The following KDM6A variants were observed in gnomAD, a reference collection of about 807,000 sequenced individuals.
The protein encoded by KDM6A is lysine-specific demethylase 6A.
Under a neutral mutation model 117.6 loss-of-function variants are expected in KDM6A, and 11 were observed. That is an observed-to-expected ratio of 0.09 (90% CI 0.06 to 0.15). KDM6A has a LOEUF of 0.15. Among genes scored for constraint, KDM6A ranks in the 10% least tolerant of loss-of-function variants. The pLI is 1.00. For missense variants in KDM6A, 799 were observed against 1,077.3 expected, an observed-to-expected ratio of 0.74 and a Z score of 3.62; for synonymous variants, 384 against 396.1, an observed-to-expected ratio of 0.97 and a Z score of 0.36.
At chrX:44,930,947 C>A (rs1240379321) in intron 2 of KDM6A, among the ~76,000 whole-genome samples, 1 of 111,144 alleles carries the variant, frequency 9.0e-6, no homozygotes, top group Non-Finnish European at 1.9e-5. Context: ...GAGGACCATC[C>A]CTCCCCTCCT....
chrX:45,012,180 A>G (rs899166705), intron 5 of KDM6A, among the ~76,000 whole-genome samples: 4 of 105,621 alleles, frequency 3.8e-5, no homozygotes, highest in Admixed American at 1.0e-4. Flanking sequence ...ATTTTATAAA[A>G]TGTCAACCCA....
At chrX:45,103,820 T>G (rs748552183) in intron 27 of KDM6A, among the ~76,000 whole-genome samples, 1 of 111,613 alleles carries the variant, frequency 9.0e-6, no homozygotes, top group Non-Finnish European at 1.9e-5. Context: ...TGTGTAGTCT[T>G]TCATCGAAAC....
chrX:44,996,598 C>T (rs1329918694), intron 4 of KDM6A, among the ~76,000 whole-genome samples: 1 of 110,451 alleles, frequency 9.1e-6, no homozygotes, highest in East Asian at 2.9e-4. Context: ...TTGCCAACCT[C>T]TTCTGCTAGA....
chrX:45,041,765 A>G (rs7883427), intron 8 of KDM6A, among the ~76,000 whole-genome samples: 8,973 of 103,148 alleles, frequency 0.087, 234 homozygotes, highest in East Asian at 0.28. Context: ...CTCACTTTCC[A>G]GACTGGGCAG....
chrX:44,875,810 G>A (rs1401318595), intron 2 of KDM6A, among the ~76,000 whole-genome samples: 1 of 111,559 alleles, frequency 9.0e-6, no homozygotes, highest in African/African-American at 3.3e-5. Flanking sequence ...GGAATCTGAT[G>A]TTTTATGTTG....
In KDM6A at chrX:44,984,232, T is replaced by C. The variant is rs189766882; in HGVS notation, c.384+9517T>C. 9.5e-3 allele frequency among the ~76,000 whole-genome samples: 1,062 copies of C among 111,266 alleles called. 5 individuals are homozygous for C. The highest frequency in any genetic ancestry group is 0.015 in the Non-Finnish European group (777 of 53,075). On this transcript the variant is annotated intron_variant, in intron 4 of 29. Coordinates refer to ENST00000611820, the MANE Select transcript of KDM6A (RefSeq NM_001291415.2). ...TTCTTTTGAGAAGGGTCTGTTCATA[T>C]CCTTCACCCACTTGTTGATGGGGTT... is the stretch of plus-strand genomic sequence containing the variant.
rs961752383 is a variant in KDM6A at position 45,053,748 on chromosome X, G to A, written c.749-81G>A. The A allele has an allele frequency of 4.1e-5, 34 of 821,319 alleles. No individual in the cohort carries two copies. The African/African-American group carries it at 6.7e-4, about 16-fold the overall frequency. 67.7% of individuals were successfully genotyped at this position (821,319 alleles called of 1,213,427 possible). On this transcript the variant is annotated intron_variant, in intron 9 of 29. Transcript: ENST00000611820. ...ATTGACAGAAAAGAGTACTTTTTTG[G>A]TTTGTTTTCTGCTTCGTATTCTTAA...
At chrX:44,990,028 G>C (rs2040484084) in intron 4 of KDM6A, among the ~76,000 whole-genome samples, 1 of 111,758 alleles carries the variant, frequency 8.9e-6, no homozygotes, top group Non-Finnish European at 1.9e-5. Context: ...CACTGTCTTA[G>C]AGCCTGTCAT....
At chrX:45,022,146 T>C (rs773819701) in intron 6 of KDM6A, among the ~76,000 whole-genome samples, 13 of 112,315 alleles carry the variant, frequency 1.2e-4, no homozygotes, top group Middle Eastern at 4.2e-3. Flanking sequence ...TTATGGAATG[T>C]GACTATGCGT....
intron 17 of KDM6A, 95 bp from the exon 18 acceptor site, chrX:45,069,484 A>G: frequency 1.2e-6 from 1 of 840,324 alleles, no homozygotes; most frequent in Non-Finnish European, 1.7e-6. Context: ...ACAGTTAGAT[A>G]TTTATTTTTA....
At chrX:45,108,820 G>A (rs1294777259) in intron 28 of KDM6A, among the ~76,000 whole-genome samples, 13 of 99,760 alleles carry the variant, frequency 1.3e-4, no homozygotes, top group African/African-American at 4.8e-4. Flanking sequence ...TCCTTTGTAG[G>A]GACATGGATG....
At chrX:44,901,966 C>T (rs897628481) in intron 2 of KDM6A, among the ~76,000 whole-genome samples, 1 of 112,555 alleles carries the variant, frequency 8.9e-6, no homozygotes, top group African/African-American at 3.2e-5. Flanking sequence ...GTGGCTCATG[C>T]CTGTAATCCC....
intron 2 of KDM6A, among the ~76,000 whole-genome samples, chrX:44,945,117 T>C (rs1208879265): frequency 2.7e-5 from 3 of 111,449 alleles, no homozygotes; most frequent in Admixed American, 9.6e-5. Flanking sequence ...AGTTGGCATT[T>C]AGAAAGAAAA....
chrX:45,041,317 C>T (rs2043176443), intron 8 of KDM6A, among the ~76,000 whole-genome samples: 1 of 89,490 alleles, frequency 1.1e-5, no homozygotes, highest in Non-Finnish European at 2.2e-5. Context: ...CCCCCCACCT[C>T]CCTCCTGGAC....
chrX:45,035,123 A>G, intron 7 of KDM6A, 138 bp downstream of exon 7: 1 of 538,458 alleles, frequency 1.9e-6, no homozygotes, highest in South Asian at 2.7e-5. Flanking sequence ...TGCCATGGCT[A>G]CTTACATAAA....
At chrX:44,984,335 T>C (rs1407866594) in intron 4 of KDM6A, among the ~76,000 whole-genome samples, 1 of 111,683 alleles carries the variant, frequency 9.0e-6, no homozygotes, top group Non-Finnish European at 1.9e-5. Flanking sequence ...GAGTAGATTG[T>C]AAAAATTTTC....
intron 6 of KDM6A, among the ~76,000 whole-genome samples, chrX:45,031,548 T>C (rs755334544): frequency 4.5e-5 from 5 of 112,190 alleles, no homozygotes; most frequent in Admixed American, 1.9e-4. Context: ...TTTTCTGGTT[T>C]GCAGGTTGTT....
chrX:44,976,912 T>C (rs759525335), intron 4 of KDM6A, among the ~76,000 whole-genome samples: 1 of 111,687 alleles, frequency 9.0e-6, no homozygotes, highest in Non-Finnish European at 1.9e-5. Context: ...CAAAACTTTT[T>C]TTCCCTATGT....
At chrX:45,000,959 A>G (rs1341943556) in intron 4 of KDM6A, among the ~76,000 whole-genome samples, 4 of 113,127 alleles carry the variant, frequency 3.5e-5, no homozygotes, top group Middle Eastern at 4.2e-3. Context: ...CAACCTGTGG[A>G]CGGAATATTT....
Sources: allele counts gnomAD v4.1 joint callset (sites outside exome capture counted in the v4.1 genomes callset), GRCh38; gene constraint gnomAD v4.1.1; transcripts MANE v1.5; gene names NCBI Gene and HGNC (gene_info 2026-07-23, HGNC 2026-07-21).